CNTNAP5: variants seen among roughly 807,000 people sequenced by gnomAD.
CNTNAP5 encodes the protein contactin associated protein family member 5, also known as contactin-associated protein-like 5.
CNTNAP5 carries 72 observed loss-of-function variants against 150.2 expected under a neutral mutation model. The ratio of observed to expected loss-of-function variants is 0.48; its 90% CI spans 0.40 to 0.58. The LOEUF is 0.58. Ranked by LOEUF, CNTNAP5 falls within the 20% of genes least tolerant of loss-of-function variation. The pLI, the probability that CNTNAP5 is intolerant of heterozygous loss-of-function variation, is 0.00. For synonymous variants in CNTNAP5, 672 were observed against 619.8 expected, an observed-to-expected ratio of 1.08 and a Z score of -1.25; for missense variants, 1,636 against 1,626.2, an observed-to-expected ratio of 1.01 and a Z score of -0.10.
intron 3 of CNTNAP5, among the ~76,000 whole-genome samples, chr2:124,390,565 G>A (rs1283013154): frequency 6.6e-6 from 1 of 152,160 alleles, no homozygotes; most frequent in Non-Finnish European, 1.5e-5. Flanking sequence ...GTGTAGTAGG[G>A]TGCAGTTAAT....
chr2:124,566,590 A>G (rs1470446295), intron 11 of CNTNAP5, among the ~76,000 whole-genome samples: 1 of 152,152 alleles, frequency 6.6e-6, no homozygotes, highest in African/African-American at 2.4e-5. Context: ...CAATGCCTAC[A>G]CTGTAGGCTG....
At chr2:124,877,701 A>G (rs148340944) in intron 21 of CNTNAP5, among the ~76,000 whole-genome samples, 45 of 152,238 alleles carry the variant, frequency 3.0e-4, no homozygotes, top group Middle Eastern at 3.4e-3. Flanking sequence ...ATCTGTTGGT[A>G]GTATTAAAGT....
In CNTNAP5 at chr2:124,786,333, GAGAA is replaced by G. The variant is rs1260220761; in HGVS notation, c.2753-3554_2753-3551del. Among the ~76,000 whole-genome samples the G allele has an allele frequency of 1.1e-3, 132 of 123,062 alleles. 2 individuals carry two copies. Among genetic ancestry groups the G allele is most frequent in the Middle Eastern group, 4.0e-3 (1 of 248 alleles). The allele number at this position is 123,062 out of a possible 152,430, so 80.7% of individuals were successfully genotyped here. On this transcript the variant is annotated intron_variant, in intron 17 of 23. Transcript: ENST00000682447. The stretch of plus-strand genomic sequence containing the variant: ...AAGAAGAAAGAAAGGAAGAAAGAAA[GAGAA>G]AGAAAGAAAGAAAGGAAGAAAGAAA...
Position 124,919,908 on chromosome 2 carries a change from CTG to C in CNTNAP5, c.*5623_*5624del, listed in dbSNP as rs1392060817. On this transcript the variant is annotated 3_prime_UTR_variant, in exon 24 of 24. Transcript: ENST00000682447. The stretch of plus-strand genomic sequence containing the variant: ...CTAGGTCTATTATCAATCAGAGCCC[CTG>C]TGAGTGGAAGTCCTCAGATTCTGGA... Among the ~76,000 whole-genome samples, 1 of 151,978 alleles carries C rather than the reference CTG, an allele frequency of 6.6e-6. No individual in the cohort carries two copies. The highest frequency in any genetic ancestry group is 2.4e-5 in the African/African-American group (1 of 41,402).
chr2:124,079,006 A>G (rs1011364186), intron 1 of CNTNAP5, among the ~76,000 whole-genome samples: 3 of 152,302 alleles, frequency 2.0e-5, no homozygotes, highest in East Asian at 1.9e-4. Flanking sequence ...CTCAAAATGC[A>G]TGGTGTTGGA....
At chr2:124,065,139 T>C (rs1020044089) in intron 1 of CNTNAP5, among the ~76,000 whole-genome samples, 1 of 152,118 alleles carries the variant, frequency 6.6e-6, no homozygotes, top group Non-Finnish European at 1.5e-5. Flanking sequence ...GCAGACTACC[T>C]TTTAAAAAGC....
Position 124,869,758 on chromosome 2 carries a change from C to G in CNTNAP5, c.3432C>G (p.Val1144=). The G allele has an allele frequency of 6.3e-7, 1 of 1,594,538 alleles. No homozygotes were observed. Among genetic ancestry groups the G allele is most frequent in the Middle Eastern group, 1.7e-4 (1 of 6,020 alleles). Residue 1144 remains valine (V), a synonymous_variant, in exon 21 of 24, where the codon GTC becomes GTG. Coordinates refer to ENST00000682447, the MANE Select transcript of CNTNAP5 (RefSeq NM_001367498.1). Reference sequence around the variant, plus strand: ...TAAGGTCACTCACCTTGGGCAAAGTCACAGGTATGTTGTTCTAGTTCATAC... The same window carrying G: ...TAAGGTCACTCACCTTGGGCAAAGTGACAGGTATGTTGTTCTAGTTCATAC... ...RVIRSLTLGK[V]TENLGLDSEV...
chr2:124,507,171 G>A (rs1045294046), intron 8 of CNTNAP5, among the ~76,000 whole-genome samples: 6 of 152,032 alleles, frequency 3.9e-5, no homozygotes, highest in Admixed American at 2.0e-4. Context: ...CCAAAATCAC[G>A]TTATGGGCCA....
chr2:124,634,497 T>C (rs1677931680), intron 12 of CNTNAP5, among the ~76,000 whole-genome samples: 1 of 152,050 alleles, frequency 6.6e-6, no homozygotes, highest in African/African-American at 2.4e-5. Flanking sequence ...CACACGTGTG[T>C]GTGTGTGTGT....
At chr2:124,153,235 A>G (rs1449490171) in intron 1 of CNTNAP5, among the ~76,000 whole-genome samples, 1 of 152,224 alleles carries the variant, frequency 6.6e-6, no homozygotes, top group African/African-American at 2.4e-5. Context: ...TTAGAAAGCA[A>G]ACATGAAGTG....
intron 1 of CNTNAP5, among the ~76,000 whole-genome samples, chr2:124,153,326 G>A (rs1255216147): frequency 6.6e-6 from 1 of 152,146 alleles, no homozygotes; most frequent in East Asian, 1.9e-4. Flanking sequence ...GTGGCCCCTG[G>A]CATCCAACCT....
intron 13 of CNTNAP5, among the ~76,000 whole-genome samples, chr2:124,698,048 CT>C (rs1387911796): frequency 9.9e-5 from 15 of 151,974 alleles, no homozygotes; most frequent in Admixed American, 3.3e-4. Flanking sequence ...CCTGGAAGCC[CT>C]TTTTGGCCAT....
At chr2:124,479,473 T>A (rs1259840543) in intron 7 of CNTNAP5, among the ~76,000 whole-genome samples, 1 of 152,208 alleles carries the variant, frequency 6.6e-6, no homozygotes, top group Non-Finnish European at 1.5e-5. Context: ...TGGAAATGCA[T>A]GTGTTACTTT....
intron 10 of CNTNAP5, among the ~76,000 whole-genome samples, chr2:124,549,668 G>A (rs1392558460): frequency 1.3e-5 from 2 of 152,182 alleles, no homozygotes; most frequent in African/African-American, 4.8e-5. Flanking sequence ...TTTTGCAATA[G>A]TAGATGTTTT....
At chr2:124,300,638 G>T (rs1352258840) in intron 3 of CNTNAP5, among the ~76,000 whole-genome samples, 2 of 152,194 alleles carry the variant, frequency 1.3e-5, no homozygotes, top group African/African-American at 4.8e-5. Flanking sequence ...AGAAGCACTG[G>T]CAGGCCACAT....
chr2:124,366,801 A>G (rs2104721938), intron 3 of CNTNAP5, among the ~76,000 whole-genome samples: 1 of 152,286 alleles, frequency 6.6e-6, no homozygotes, highest in Admixed American at 6.5e-5. Flanking sequence ...AAGAGGGCTG[A>G]GTCTTATCCC....
chr2:124,292,037 A>T (rs944419854), intron 3 of CNTNAP5, among the ~76,000 whole-genome samples: 6 of 152,176 alleles, frequency 3.9e-5, no homozygotes, highest in Non-Finnish European at 1.5e-5. Flanking sequence ...CATGTGGCCA[A>T]GCACAATCAT....
chr2:124,066,620 T>A (rs1682165268), intron 1 of CNTNAP5, among the ~76,000 whole-genome samples: 1 of 151,680 alleles, frequency 6.6e-6, no homozygotes, highest in African/African-American at 2.4e-5. Flanking sequence ...ATCCTGAAAG[T>A]GCTTCTAACT....
At chr2:124,053,572 G>C (rs1245952353) in intron 1 of CNTNAP5, among the ~76,000 whole-genome samples, 1 of 152,172 alleles carries the variant, frequency 6.6e-6, no homozygotes. Context: ...GAGTCTCTGA[G>C]TCTCTATTTC....
Sources: gnomAD v4.1 joint callset for allele counts (sites outside exome capture counted in the v4.1 genomes callset) on GRCh38, gnomAD v4.1.1 for gene constraint, MANE v1.5 for transcripts, NCBI Gene and HGNC (gene_info 2026-07-23, HGNC 2026-07-21) for gene names.